Variants in WDR73 observed in about 807,000 individuals in gnomAD.
WDR73 encodes WD repeat domain 73.
In WDR73, 30 loss-of-function variants were observed where a neutral mutation model predicts 38.2. That is an observed-to-expected ratio of 0.79 (90% CI 0.59 to 1.06). WDR73 has a LOEUF of 1.06. Among genes scored for constraint, WDR73 ranks in the 50% least tolerant of loss-of-function variants. The probability of loss-of-function intolerance (pLI) is 0.00; values close to 1 mark genes in which losing one functional copy is unlikely to be tolerated. For missense variants in WDR73, 487 were observed against 467.0 expected, an observed-to-expected ratio of 1.04 and a Z score of -0.40; for synonymous variants, 197 against 176.0, an observed-to-expected ratio of 1.12 and a Z score of -0.94.
intron 7 of WDR73, chr15:84,644,288 GAAAT>G (rs1477475509): frequency 6.5e-6 from 1 of 154,568 alleles, no homozygotes; most frequent in Admixed American, 6.4e-5. Context: ...CCTTTGGAGA[GAAAT>G]ACCTTCACGT....
At position 84,643,717 on chromosome 15, in the gene WDR73, T is replaced by C; in HGVS notation, c.890A>G (p.Asp297Gly). 1 of 1,612,448 alleles carries C rather than the reference T, an allele frequency of 6.2e-7. No homozygotes were observed. The highest frequency in any genetic ancestry group is 8.5e-7 in the Non-Finnish European group (1 of 1,179,168). The change falls in exon 8 of 8, where the codon GAT becomes GGT. Residue 297 changes from aspartate (D) to glycine (G), a missense_variant. Asp to Gly is a moderately conservative substitution (Grantham distance 94). Coordinates refer to ENST00000434634, the MANE Select transcript of WDR73 (RefSeq NM_032856.5). ...LKNCLAISGF[D>G]GTVQVYDATS... ...GGCATCATAGACCTGGACTGTACCA[T>C]CAAAACCTGAGAATACAGAAAAGAG... is the stretch of plus-strand genomic sequence containing the variant.
intron 5 of WDR73, chr15:84,646,567 GT>G (rs1896471173): frequency 1.5e-6 from 1 of 666,914 alleles, no homozygotes; most frequent in Non-Finnish European, 2.2e-6. Flanking sequence ...CTTATAAACT[GT>G]TTTTTGCAAA....
In WDR73 at chr15:84,643,183, T is replaced by C; in HGVS notation, c.*287A>G. ...GCTCTTTTGATTCTCCCTATGATAGTGTGAAGACAGGGACAAAACGCTACC... is the reference window on the plus strand; with the variant it reads ...GCTCTTTTGATTCTCCCTATGATAGCGTGAAGACAGGGACAAAACGCTACC... On this transcript the variant is annotated 3_prime_UTR_variant, in exon 8 of 8. Coordinates refer to ENST00000434634, the MANE Select transcript of WDR73 (RefSeq NM_032856.5). 1 of 431,824 alleles carries C rather than the reference T, an allele frequency of 2.3e-6. No individual in the cohort carries two copies. Among genetic ancestry groups the C allele is most frequent in the South Asian group, 3.3e-5 (1 of 30,580 alleles). 26.7% of individuals were successfully genotyped at this position (431,824 alleles called of 1,614,324 possible). A position where few individuals can be genotyped will look rare whatever the true frequency, so the allele number is the denominator to read the frequency against.
intron 7 of WDR73, chr15:84,644,349 TC>T (rs1464863746): frequency 3.3e-5 from 5 of 152,404 alleles, no homozygotes; most frequent in Non-Finnish European, 5.9e-5. Context: ...CCTGCCATCT[TC>T]CTGGTACTGA....
Position 84,648,532 on chromosome 15 carries a change from C to CATACCTGGCACATACCAGGTCCCAA in WDR73, c.287+4_287+5insTTGGGACCTGGTATGTGCCAGGTAT, listed in dbSNP as rs763835123. Reference sequence around the variant, plus strand: ...TGGATGGCTGGATCACAAAATTGACCATACCTGGTATGTGGCACATGCTTT... The same window carrying CATACCTGGCACATACCAGGTCCCAA: ...TGGATGGCTGGATCACAAAATTGACCATACCTGGCACATACCAGGTCCCAAATACCTGGTATGTGGCACATGCTTT... On this transcript the variant is annotated splice_donor_region_variant and intron_variant, in intron 4 of 7. Transcript: ENST00000434634. 1 of 1,610,894 alleles carries CATACCTGGCACATACCAGGTCCCAA rather than the reference C, an allele frequency of 6.2e-7. No individual in the cohort carries two copies.
chr15:84,653,133 C>A, intron 2 of WDR73: 1 of 222,832 alleles, frequency 4.5e-6, no homozygotes, highest in Non-Finnish European at 8.8e-6. Flanking sequence ...AGGTTAGTCT[C>A]AAATTCCTGG....
Position 84,647,893 on chromosome 15 carries a change from T to G in WDR73, c.349A>C (p.Ser117Arg), listed in dbSNP as rs752586057. The change falls in exon 5 of 8, where the codon AGT becomes CGT. Residue 117 changes from serine to arginine, a missense_variant. Transcript: ENST00000434634. Reference sequence around the variant, plus strand: ...CCATCAAGTCAAATTCACTCACCACTGTCCTCTGCAACCTGCCACACCTGC... The same window carrying G: ...CCATCAAGTCAAATTCACTCACCACGGTCCTCTGCAACCTGCCACACCTGC... ...YLQVWQVAED[S>R]DVIKAVSTIA... is the part of the protein sequence containing the mutation. The G allele has an allele frequency of 6.2e-6, 10 of 1,613,832 alleles. No individual in the cohort carries two copies. Among genetic ancestry groups the G allele is most frequent in the East Asian group, 2.2e-5 (1 of 44,892 alleles).
In WDR73 at chr15:84,645,552, G is replaced by A. The variant is rs1896421376; in HGVS notation, c.802C>T (p.Pro268Ser). ...GGGTCAGGGCTAGGTACGGATACTG[G>A]GCACTGGACTGAGCTCACAGGATGG... Reference protein sequence around the residue: ...LCHPVSSVQCPVSVPSPDPEL... With the variant: ...LCHPVSSVQCSVSVPSPDPEL... Residue 268 changes from proline (P) to serine (S), a missense_variant, in exon 7 of 8, where the codon CCA becomes TCA. By Grantham distance (74) the Pro-to-Ser change is moderately conservative. Coordinates refer to ENST00000434634, the MANE Select transcript of WDR73 (RefSeq NM_032856.5). The A allele has an allele frequency of 3.1e-6, 5 of 1,611,796 alleles. No homozygotes were observed. The highest frequency in any genetic ancestry group is 2.7e-5 in the African/African-American group (2 of 74,880).
rs1006703852 is a variant in WDR73, at chr15:84,641,801, G to C, written c.*1669C>G. 6.6e-6 allele frequency: 1 copy of C among 152,182 alleles called. No homozygotes were observed. Among genetic ancestry groups the C allele is most frequent in the Non-Finnish European group, 1.5e-5 (1 of 68,038 alleles). 9.4% of individuals were successfully genotyped at this position (152,182 alleles called of 1,614,324 possible). ...CACAAAGTGCTGGGATTACAGGCGT[G>C]AGCCACTGTGCCTGGTCTATCTTTA... On this transcript the variant is annotated 3_prime_UTR_variant, in exon 8 of 8. Transcript: ENST00000434634.
At chr15:84,654,049 G>A (rs939354052) in intron 1 of WDR73, 185 bp downstream of exon 1, 18 of 740,760 alleles carry the variant, frequency 2.4e-5, no homozygotes, top group African/African-American at 1.1e-4. Context: ...ACGCGCGCAC[G>A]CAGGAAGGAG....
In WDR73 at chr15:84,642,689, T is replaced by A. The variant is rs1233464768; in HGVS notation, c.*781A>T. 6.6e-6 allele frequency: 1 copy of A among 152,174 alleles called. No homozygotes were observed. The highest frequency in any genetic ancestry group is 1.9e-4 in the East Asian group (1 of 5,202). 9.4% of individuals were successfully genotyped at this position (152,174 alleles called of 1,614,324 possible). On this transcript the variant is annotated 3_prime_UTR_variant, in exon 8 of 8. Transcript: ENST00000434634. ...CATGTTGCTCAGGCTAGTCTCGAAC[T>A]CCTGGACTCAAGTGATCCACCTGTC...
At chr15:84,648,794 C>A (rs1282033624) in intron 3 of WDR73, among the ~76,000 whole-genome samples, 169 bp from the exon 4 acceptor site, 2 of 152,208 alleles carry the variant, frequency 1.3e-5, no homozygotes, top group Admixed American at 6.5e-5. Flanking sequence ...CAGCTGCCTA[C>A]ACGTACAGCT....
chr15:84,648,450 G>A (rs952554485), intron 4 of WDR73, 87 bp downstream of exon 4: 2 of 891,732 alleles, frequency 2.2e-6, no homozygotes, highest in Non-Finnish European at 3.7e-6. Flanking sequence ...GGGTGGGAAT[G>A]GAGATGAGGA....
At chr15:84,651,383 C>T (rs531892890) in intron 3 of WDR73, among the ~76,000 whole-genome samples, 3 of 152,192 alleles carry the variant, frequency 2.0e-5, no homozygotes, top group East Asian at 1.9e-4. Context: ...CCAGGGATCG[C>T]GCCACTGCAC....
At chr15:84,654,155 A>C in intron 1 of WDR73, 79 bp downstream of exon 1, 2 of 1,589,310 alleles carry the variant, frequency 1.3e-6, no homozygotes, top group Non-Finnish European at 8.6e-7. Context: ...AGGATCCCCA[A>C]CGTGCCTCCA....
chr15:84,646,245 C>T lies in WDR73; in HGVS notation c.456G>A (p.Gly152=), dbSNP rs1264619710. The change falls in exon 6 of 8, where the codon GGG becomes GGA. Residue 152 remains glycine (G), a synonymous_variant. Coordinates refer to ENST00000434634, the MANE Select transcript of WDR73 (RefSeq NM_032856.5). The stretch of plus-strand genomic sequence containing the variant: ...CGACCTGCAGACTTCGGAGCCTCGC[C>T]CCATGGAGGACTCCGGGTGCCAATG... ...FSTLAPGVLH[G]ARLRSLQVVD... is the part of the protein sequence containing the mutation. 1 of 1,613,938 alleles carries T rather than the reference C, an allele frequency of 6.2e-7. No homozygotes were observed. Among genetic ancestry groups the T allele is most frequent in the South Asian group, 1.1e-5 (1 of 91,086 alleles).
At chr15:84,650,022 G>A (rs1378225530) in intron 3 of WDR73, among the ~76,000 whole-genome samples, 5 of 152,148 alleles carry the variant, frequency 3.3e-5, no homozygotes, top group Non-Finnish European at 7.3e-5. Flanking sequence ...CTGGTAGGGT[G>A]GTCCTCAGGC....
intron 3 of WDR73, among the ~76,000 whole-genome samples, chr15:84,651,625 C>G (rs936353331): frequency 2.0e-5 from 3 of 152,180 alleles, no homozygotes; most frequent in Non-Finnish European, 2.9e-5. Context: ...TCACCCTCTC[C>G]CTCTTCAAGG....
At chr15:84,648,470 C>G in intron 4 of WDR73, 67 bp downstream of exon 4, 1 of 1,166,320 alleles carries the variant, frequency 8.6e-7, no homozygotes, top group African/African-American at 1.5e-5. Context: ...AGGCAGAATA[C>G]CCCCAGGCAT....
Sources: allele counts gnomAD v4.1 joint callset (sites outside exome capture counted in the v4.1 genomes callset), GRCh38; gene constraint gnomAD v4.1.1; transcripts MANE v1.5; gene names NCBI Gene and HGNC (gene_info 2026-07-23, HGNC 2026-07-21).